The following TRHDE variants were observed in gnomAD, a reference collection of about 807,000 sequenced individuals.
The protein encoded by TRHDE is thyrotropin-releasing hormone-degrading ectoenzyme.
In TRHDE, 72 loss-of-function variants were observed where a neutral mutation model predicts 125.7. That is an observed-to-expected ratio of 0.57 (90% confidence interval 0.47 to 0.70). The LOEUF is 0.70. TRHDE is among the 30% of genes least tolerant of loss of function. TRHDE has a pLI of 0.00. For synonymous variants in TRHDE, 509 were observed against 509.1 expected (o/e 1.00, Z 0.00); for missense variants, 1,110 against 1,327.1 (o/e 0.84, Z 2.54).
At chr12:72,609,137 G>T (rs527639198) in intron 12 of TRHDE, among the ~76,000 whole-genome samples, 1 of 152,140 alleles carries the variant, frequency 6.6e-6, no homozygotes, top group Non-Finnish European at 1.5e-5. Context: ...GGCATCGTTT[G>T]TTGCTTTACA....
At chr12:72,383,536 C>G (rs1872280067) in intron 3 of TRHDE, among the ~76,000 whole-genome samples, 2 of 151,694 alleles carry the variant, frequency 1.3e-5, no homozygotes, top group African/African-American at 4.8e-5. Flanking sequence ...GCCACCACAC[C>G]CAGCAAATTT....
At chr12:72,448,195 G>T (rs1011649800) in intron 3 of TRHDE, among the ~76,000 whole-genome samples, 7 of 152,036 alleles carry the variant, frequency 4.6e-5, no homozygotes, top group Non-Finnish European at 1.0e-4. Context: ...GGATTAAGTT[G>T]TGCACTGCAC....
At chr12:72,189,752 C>A (rs1245169488) in intron 2 of TRHDE, among the ~76,000 whole-genome samples, 1 of 152,124 alleles carries the variant, frequency 6.6e-6, no homozygotes, top group Admixed American at 6.6e-5. Flanking sequence ...TCTTCTCTGA[C>A]CTATTTATGG....
intron 2 of TRHDE, among the ~76,000 whole-genome samples, chr12:72,222,488 A>G (rs2628429): frequency 0.76 from 115,967 of 152,050 alleles, 44,515 homozygotes; most frequent in Non-Finnish European, 0.79. Flanking sequence ...GGCTTCTTAA[A>G]ACAGAGATTT....
At chr12:72,297,212 G>A (rs1054289214) in intron 2 of TRHDE, among the ~76,000 whole-genome samples, 4 of 152,128 alleles carry the variant, frequency 2.6e-5, no homozygotes, top group African/African-American at 9.7e-5. Context: ...ATTGGCCATG[G>A]TACCCGGAGA....
chr12:72,222,048 G>C (rs963400153), intron 2 of TRHDE, among the ~76,000 whole-genome samples: 1 of 152,030 alleles, frequency 6.6e-6, no homozygotes, highest in African/African-American at 2.4e-5. Context: ...TTCTTACATC[G>C]TGGTCGAAGG....
At chr12:72,235,438 G>C (rs1465815827) in intron 2 of TRHDE, among the ~76,000 whole-genome samples, 1 of 152,160 alleles carries the variant, frequency 6.6e-6, no homozygotes, top group Non-Finnish European at 1.5e-5. Context: ...TTGACATAAA[G>C]GAGTTTAGCC....
chr12:72,238,297 T>TACACAC, intron 2 of TRHDE, among the ~76,000 whole-genome samples: 1 of 31,060 alleles, frequency 3.2e-5, no homozygotes, highest in Non-Finnish European at 6.9e-5. Flanking sequence ...TATATATATA[T>TACACAC]ATATATATAT....
intron 2 of TRHDE, among the ~76,000 whole-genome samples, chr12:72,187,622 T>C (rs1418639847): frequency 1.3e-5 from 2 of 151,996 alleles, no homozygotes; most frequent in Non-Finnish European, 2.9e-5. Context: ...GGGTGAGAGA[T>C]GTAAATTTGC....
intron 6 of TRHDE, among the ~76,000 whole-genome samples, chr12:72,514,725 G>A (rs1878757294): frequency 6.6e-6 from 1 of 150,796 alleles, no homozygotes; most frequent in Non-Finnish European, 1.5e-5. Flanking sequence ...CCATGCTGGT[G>A]CGCTGCACCC....
intron 18 of TRHDE, among the ~76,000 whole-genome samples, chr12:72,661,490 T>C (rs1431150706): frequency 6.6e-6 from 1 of 152,206 alleles, no homozygotes; most frequent in African/African-American, 2.4e-5. Context: ...TATCATATTT[T>C]TATAATAAAT....
rs1875071637 is a variant in TRHDE, at chr12:72,665,212, A to C, written c.*2017A>C. 1 of 152,260 alleles carries C rather than the reference A, an allele frequency of 6.6e-6. No homozygotes were observed. Among genetic ancestry groups the C allele is most frequent in the Non-Finnish European group, 1.5e-5 (1 of 67,962 alleles). 9.4% of individuals were successfully genotyped at this position (152,260 alleles called of 1,614,324 possible). ...GGTGGATGTCTTGTTTTGTGTCATGAATTACTAAAATCTCTTAGTAGTTGT... is the reference window on the plus strand; with the variant it reads ...GGTGGATGTCTTGTTTTGTGTCATGCATTACTAAAATCTCTTAGTAGTTGT... On this transcript the variant is annotated 3_prime_UTR_variant, in exon 19 of 19. Coordinates refer to ENST00000261180, the MANE Select transcript of TRHDE (RefSeq NM_013381.3).
chr12:72,336,414 T>C lies in TRHDE; in HGVS notation c.1189-41581T>C, dbSNP rs941944253. Among the ~76,000 whole-genome samples, 18 of 152,216 alleles carry C rather than the reference T, an allele frequency of 1.2e-4. 1 individual carries two copies. The highest frequency in any genetic ancestry group is 9.8e-4 in the Admixed American group (15 of 15,282). On this transcript the variant is annotated intron_variant, in intron 2 of 18. Coordinates refer to ENST00000261180, the MANE Select transcript of TRHDE (RefSeq NM_013381.3). ...TATTTAATCAGCTCAAGGATTGTCC[T>C]CTCCATGAAATTTGCTTTCTCTGTG...
At chr12:72,176,326 G>A (rs1173529875) in intron 2 of TRHDE, among the ~76,000 whole-genome samples, 40 of 152,250 alleles carry the variant, frequency 2.6e-4, no homozygotes, top group Admixed American at 2.6e-3. Context: ...AGCCAAGATC[G>A]TGCCACTGCT....
chr12:72,266,576 C>T (rs1412941271), intron 2 of TRHDE, among the ~76,000 whole-genome samples: 1 of 151,308 alleles, frequency 6.6e-6, no homozygotes, highest in Non-Finnish European at 1.5e-5. Flanking sequence ...GTAGCACTTA[C>T]CATGTGCTAG....
chr12:72,228,332 C>T (rs1878177960), intron 2 of TRHDE, among the ~76,000 whole-genome samples: 1 of 152,158 alleles, frequency 6.6e-6, no homozygotes, highest in Admixed American at 6.5e-5. Flanking sequence ...TGTAAGCTTC[C>T]AAGGCTTGGG....
chr12:72,383,717 G>GC (rs1555181813), intron 3 of TRHDE, among the ~76,000 whole-genome samples: 2 of 120,718 alleles, frequency 1.7e-5, no homozygotes, highest in Non-Finnish European at 3.6e-5. Flanking sequence ...GGTAATTTCT[G>GC]TTTTTTTTTT....
At chr12:72,554,858 C>A (rs1381191235) in intron 7 of TRHDE, among the ~76,000 whole-genome samples, 1 of 152,148 alleles carries the variant, frequency 6.6e-6, no homozygotes, top group Non-Finnish European at 1.5e-5. Flanking sequence ...ACCCTGTCAC[C>A]TTGTTCTGGA....
In TRHDE at chr12:72,652,493, G is replaced by A. The variant is rs781135467; in HGVS notation, c.2843+4G>A. 3.0e-5 allele frequency: 47 copies of A among 1,592,086 alleles called. No homozygotes were observed. The highest frequency in any genetic ancestry group is 3.8e-5 in the Non-Finnish European group (45 of 1,169,076). Reference sequence around the variant, plus strand: ...ATGACAGGAATTTATTAAACAGGTAGGCCGACTGATTTTCTAAATGTGTTT... The same window carrying A: ...ATGACAGGAATTTATTAAACAGGTAAGCCGACTGATTTTCTAAATGTGTTT... On this transcript the variant is annotated splice_donor_region_variant and intron_variant, in intron 16 of 18. Coordinates refer to ENST00000261180, the MANE Select transcript of TRHDE (RefSeq NM_013381.3).
Sources: gnomAD v4.1 joint callset for allele counts (sites outside exome capture counted in the v4.1 genomes callset) on GRCh38, gnomAD v4.1.1 for gene constraint, MANE v1.5 for transcripts, NCBI Gene and HGNC (gene_info 2026-07-23, HGNC 2026-07-21) for gene names.